MANBA: variants seen among roughly 807,000 people sequenced by gnomAD.
MANBA encodes the protein beta-mannosidase.
A neutral mutation model predicts 111.1 loss-of-function variants in MANBA; 83 were observed. That is an observed-to-expected ratio of 0.75 (90% CI 0.63 to 0.90). The LOEUF is 0.90. MANBA is among the 40% of genes least tolerant of loss of function. The pLI is 0.00. For synonymous variants in MANBA, 370 were observed against 378.7 expected (o/e 0.98, Z 0.27); for missense variants, 1,036 against 1,069.0 (o/e 0.97, Z 0.43).
Position 102,664,716 on chromosome 4 carries a change from T to C in MANBA, c.1454A>G (p.Tyr485Cys), listed in dbSNP as rs765339064. Residue 485 changes from tyrosine to cysteine, a missense_variant, in exon 11 of 17, where the codon TAT becomes TGT. Tyr to Cys is a radical substitution (Grantham distance 194). Transcript: ENST00000647097. ...PIYIKDYVTL[Y>C]VKNIRELVLA... Reference sequence around the variant, plus strand: ...TACGAGCTCTCTGATGTTTTTCACATAGAGTGTCACATAGTCCTTGATGTA... The same window carrying C: ...TACGAGCTCTCTGATGTTTTTCACACAGAGTGTCACATAGTCCTTGATGTA... The C allele has an allele frequency of 1.2e-6, 2 of 1,613,386 alleles. No homozygotes were observed. The highest frequency in any genetic ancestry group is 1.1e-5 in the South Asian group (1 of 91,074).
chr4:102,702,813 C>T lies in MANBA; in HGVS notation c.673+11625G>A, dbSNP rs544746392. 2.9e-4 allele frequency among the ~76,000 whole-genome samples: 44 copies of T among 152,290 alleles called. 2 individuals are homozygous for T. In the South Asian group the frequency reaches 8.9e-3, roughly 31 times the overall value. On this transcript the variant is annotated intron_variant, in intron 5 of 16. Coordinates refer to ENST00000647097, the MANE Select transcript of MANBA (RefSeq NM_005908.4). ...CCTTTGATCTTCAGGAGTAAACTCA[C>T]TAATTTTAAGTCAAGATATAAATTG... is the stretch of plus-strand genomic sequence containing the variant.
In MANBA at chr4:102,716,036, G is replaced by A. The variant is rs181446351; in HGVS notation, c.550-1475C>T. Among the ~76,000 whole-genome samples the A allele has an allele frequency of 7.6e-3, 1,154 of 152,118 alleles. 4 individuals are homozygous for A. The highest frequency in any genetic ancestry group is 0.011 in the Non-Finnish European group (774 of 67,994). Reference sequence around the variant, plus strand: ...ATTAAAAAGAATGAGGAGGCCGGGCGCAGTGGCTCACGCATGTAATATCAA... The same window carrying A: ...ATTAAAAAGAATGAGGAGGCCGGGCACAGTGGCTCACGCATGTAATATCAA... On this transcript the variant is annotated intron_variant, in intron 4 of 16. Coordinates refer to ENST00000647097, the MANE Select transcript of MANBA (RefSeq NM_005908.4).
intron 4 of MANBA, among the ~76,000 whole-genome samples, chr4:102,717,730 G>A (rs1208629478): frequency 6.6e-6 from 1 of 152,164 alleles, no homozygotes; most frequent in Admixed American, 6.5e-5. Flanking sequence ...CATGTGCAAA[G>A]GTCTGGAGGT....
At chr4:102,648,230 T>G (rs1035480286) in intron 13 of MANBA, among the ~76,000 whole-genome samples, 13 of 152,108 alleles carry the variant, frequency 8.5e-5, no homozygotes, top group Non-Finnish European at 1.9e-4. Flanking sequence ...ATTTCTACCC[T>G]TTGAAAAGGA....
At chr4:102,701,923 A>G (rs1353944072) in intron 5 of MANBA, among the ~76,000 whole-genome samples, 1,942 of 147,536 alleles carry the variant, frequency 0.013, 24 homozygotes, top group African/African-American at 0.037. Flanking sequence ...CTAGATTGGC[A>G]AAGTTCTCCT....
chr4:102,697,375 C>G (rs1182568188), intron 5 of MANBA, among the ~76,000 whole-genome samples: 1 of 151,706 alleles, frequency 6.6e-6, no homozygotes, highest in East Asian at 1.9e-4. Flanking sequence ...TATTATTATA[C>G]TTTAAGTTTT....
intron 11 of MANBA, among the ~76,000 whole-genome samples, chr4:102,660,185 G>A (rs567805361): frequency 6.6e-6 from 1 of 152,036 alleles, no homozygotes; most frequent in Admixed American, 6.6e-5. Context: ...CTTGCTGAAC[G>A]GTACCCAGAT....
At chr4:102,751,572 A>T (rs1272211198) in intron 1 of MANBA, 3 of 537,612 alleles carry the variant, frequency 5.6e-6, no homozygotes, top group Non-Finnish European at 1.1e-5. Context: ...TTTCCTTATT[A>T]AGGGCCAGTT....
At chr4:102,694,980 G>A (rs1399026143) in intron 5 of MANBA, among the ~76,000 whole-genome samples, 1 of 152,106 alleles carries the variant, frequency 6.6e-6, no homozygotes, top group Non-Finnish European at 1.5e-5. Flanking sequence ...CCACTAATTC[G>A]CTTTAAGGTT....
intron 7 of MANBA, among the ~76,000 whole-genome samples, chr4:102,681,917 G>A (rs549454638): frequency 1.1e-4 from 17 of 152,118 alleles, no homozygotes; most frequent in African/African-American, 1.9e-4. Context: ...AGGCAGAAGC[G>A]GGTGGATCAC....
chr4:102,759,221 C>T (rs1031994205), intron 1 of MANBA, among the ~76,000 whole-genome samples: 4 of 150,586 alleles, frequency 2.7e-5, no homozygotes, highest in Admixed American at 6.6e-5. Flanking sequence ...TTTCCCACCT[C>T]GGCCTCATAG....
intron 14 of MANBA, among the ~76,000 whole-genome samples, chr4:102,637,633 A>G (rs1241834277): frequency 6.6e-6 from 1 of 152,260 alleles, no homozygotes. Flanking sequence ...AGGCTGACAG[A>G]AAGAGGAACA....
In MANBA at chr4:102,760,949, G is replaced by C. The variant is rs1040534256; in HGVS notation, c.-55C>G. 2.0e-6 allele frequency: 3 copies of C among 1,500,070 alleles called. No homozygotes were observed. In the African/African-American group the frequency reaches 4.1e-5, roughly 21 times the overall value. The allele number at this position is 1,500,070 out of a possible 1,614,324, so 92.9% of individuals were successfully genotyped here. ...GAGATCGAAAGGCAGCGCTGCAAGGGACCGGCGGTGAAGCCACTCACCCCC... is the reference window on the plus strand; with the variant it reads ...GAGATCGAAAGGCAGCGCTGCAAGGCACCGGCGGTGAAGCCACTCACCCCC... On this transcript the variant is annotated 5_prime_UTR_variant, in exon 1 of 17. Transcript: ENST00000647097.
At chr4:102,752,710 A>G in intron 1 of MANBA, 1 of 436,484 alleles carries the variant, frequency 2.3e-6, no homozygotes, top group Non-Finnish European at 4.6e-6. Context: ...ATGAAATTAT[A>G]CTGATGCAGA....
At chr4:102,747,681 C>G (rs185672672) in intron 1 of MANBA, among the ~76,000 whole-genome samples, 10 of 152,302 alleles carry the variant, frequency 6.6e-5, no homozygotes, top group African/African-American at 2.4e-4. Flanking sequence ...CCCCAGCCCA[C>G]GAGTCTGGCA....
At position 102,657,672 on chromosome 4, in the gene MANBA, G is replaced by T. The variant is rs188234755; in HGVS notation, c.1704+10C>A. 1 of 1,581,524 alleles carries T rather than the reference G, an allele frequency of 6.3e-7. No individual in the cohort carries two copies. Among genetic ancestry groups the T allele is most frequent in the East Asian group, 2.2e-5 (1 of 44,708 alleles). On this transcript the variant is annotated intron_variant, in intron 12 of 16. Coordinates refer to ENST00000647097, the MANE Select transcript of MANBA (RefSeq NM_005908.4). ...ATTCTGAAACATTAGAAAATCAAAC[G>T]ATGACTTACCTTTTCTAATGTACTG...
intron 1 of MANBA, chr4:102,729,193 T>A: frequency 1.4e-6 from 1 of 726,010 alleles, no homozygotes; most frequent in Admixed American, 1.8e-5. Context: ...GGAAGCCCTC[T>A]GGCCTTTGAG....
intron 10 of MANBA, chr4:102,668,615 A>T (rs1349809999): frequency 3.7e-6 from 1 of 267,880 alleles, no homozygotes; most frequent in Non-Finnish European, 7.3e-6. Context: ...AGAAAACTTC[A>T]GAAGAAGCAA....
chr4:102,671,247 C>T, intron 9 of MANBA, 34 bp downstream of exon 9: 1 of 1,298,462 alleles, frequency 7.7e-7, no homozygotes, highest in Non-Finnish European at 1.1e-6. Context: ...GATATAGTAA[C>T]TTATCAATAT....
Sources: gnomAD v4.1 joint callset for allele counts (sites outside exome capture counted in the v4.1 genomes callset) on GRCh38, gnomAD v4.1.1 for gene constraint, MANE v1.5 for transcripts, NCBI Gene and HGNC (gene_info 2026-07-23, HGNC 2026-07-21) for gene names.